The following NCAM2 variants were observed in gnomAD, a reference collection of about 807,000 sequenced individuals.
NCAM2 encodes the protein neural cell adhesion molecule 2.
Under a neutral mutation model 98.1 loss-of-function variants are expected in NCAM2, and 30 were observed. That is an observed-to-expected ratio of 0.31 (90% CI 0.23 to 0.41). NCAM2 has a LOEUF of 0.41. Ranked by LOEUF, NCAM2 falls within the 10% of genes least tolerant of loss-of-function variation. The pLI is 1.00. For synonymous variants in NCAM2, 368 were observed against 342.4 expected (o/e 1.07, Z -0.83); for missense variants, 867 against 1,005.8 (o/e 0.86, Z 1.87).
intron 12 of NCAM2, among the ~76,000 whole-genome samples, chr21:21,463,453 C>G (rs1428059595): frequency 6.6e-6 from 1 of 152,096 alleles, no homozygotes; most frequent in Admixed American, 6.6e-5. Context: ...AAACTTACAT[C>G]AGTAGGTTTA....
intron 1 of NCAM2, among the ~76,000 whole-genome samples, chr21:21,014,112 G>A (rs1032900596): frequency 6.6e-6 from 1 of 152,178 alleles, no homozygotes; most frequent in Non-Finnish European, 1.5e-5. Context: ...TAAGCTGAAG[G>A]CAATGCCCAT....
chr21:21,039,692 C>G (rs2064866069), intron 1 of NCAM2, among the ~76,000 whole-genome samples: 1 of 152,114 alleles, frequency 6.6e-6, no homozygotes, highest in African/African-American at 2.4e-5. Flanking sequence ...GAAAACATTA[C>G]AAATGGAAAT....
chr21:21,034,985 C>T (rs189891012), intron 1 of NCAM2, among the ~76,000 whole-genome samples: 9 of 152,318 alleles, frequency 5.9e-5, no homozygotes, highest in African/African-American at 2.2e-4. Flanking sequence ...GGATTTGCCA[C>T]ACCCTCAAAC....
Position 21,092,835 on chromosome 21 carries a change from T to C in NCAM2, c.55+94217T>C, listed in dbSNP as rs1320175504. 2.0e-5 allele frequency among the ~76,000 whole-genome samples: 3 copies of C among 151,896 alleles called. No homozygotes were observed. The East Asian group carries it at 5.8e-4, about 29-fold the overall frequency. ...TAAAATAATAATGTATTTATATCTC[T>C]TTTATAAATATTTTTCTGTGAATGT... On this transcript the variant is annotated intron_variant, in intron 1 of 17. Coordinates refer to ENST00000400546, the MANE Select transcript of NCAM2 (RefSeq NM_004540.5).
At chr21:21,079,482 A>C (rs1268969317) in intron 1 of NCAM2, among the ~76,000 whole-genome samples, 1 of 152,140 alleles carries the variant, frequency 6.6e-6, no homozygotes, top group African/African-American at 2.4e-5. Context: ...CTTATAATAA[A>C]ATATTTTAAA....
At chr21:21,469,795 A>T (rs1984194612) in intron 14 of NCAM2, among the ~76,000 whole-genome samples, 1 of 151,988 alleles carries the variant, frequency 6.6e-6, no homozygotes, top group Admixed American at 6.6e-5. Flanking sequence ...TCAATTTTTA[A>T]AATTTAAGAT....
intron 9 of NCAM2, among the ~76,000 whole-genome samples, chr21:21,378,108 A>T (rs183269917): frequency 6.6e-6 from 1 of 151,960 alleles, no homozygotes; most frequent in Admixed American, 6.6e-5. Flanking sequence ...GGTTGATTCC[A>T]TATCTAGGCT....
intron 5 of NCAM2, among the ~76,000 whole-genome samples, chr21:21,317,966 T>C (rs2074268532): frequency 6.6e-6 from 1 of 152,206 alleles, no homozygotes; most frequent in Non-Finnish European, 1.5e-5. Flanking sequence ...CAATCAGTCT[T>C]TCCTGATATA....
At chr21:21,008,993 G>A (rs756367974) in intron 1 of NCAM2, among the ~76,000 whole-genome samples, 1 of 152,058 alleles carries the variant, frequency 6.6e-6, no homozygotes, top group Non-Finnish European at 1.5e-5. Flanking sequence ...CAAACTTACG[G>A]TACTTTACTG....
At chr21:21,462,711 C>A (rs1331219725) in intron 12 of NCAM2, among the ~76,000 whole-genome samples, 2 of 151,798 alleles carry the variant, frequency 1.3e-5, no homozygotes, top group African/African-American at 4.8e-5. Flanking sequence ...GGTGATAAAG[C>A]GTTATTTCTA....
intron 12 of NCAM2, among the ~76,000 whole-genome samples, chr21:21,454,915 G>A (rs572542474): frequency 6.6e-6 from 1 of 152,034 alleles, no homozygotes; most frequent in South Asian, 2.1e-4. Flanking sequence ...TTCTCATTAA[G>A]CAGGTGGTTA....
At chr21:21,101,991 G>A (rs895665268) in intron 1 of NCAM2, among the ~76,000 whole-genome samples, 13 of 152,164 alleles carry the variant, frequency 8.5e-5, no homozygotes, top group African/African-American at 2.4e-4. Flanking sequence ...CCAATGAAGT[G>A]TAGGAGTAGC....
chr21:21,343,352 TACACATAC>T (rs201852748), intron 8 of NCAM2, among the ~76,000 whole-genome samples: 2,579 of 110,122 alleles, frequency 0.023, 75 homozygotes, highest in East Asian at 0.14. Context: ...CAACTATCTA[TACACATAC>T]ACACACACAC....
chr21:21,236,071 A>G (rs766089), intron 1 of NCAM2, among the ~76,000 whole-genome samples: 74,785 of 151,564 alleles, frequency 0.49, 19,023 homozygotes, highest in South Asian at 0.59. Context: ...AATACCCTGA[A>G]TAATGTTCCT....
intron 1 of NCAM2, among the ~76,000 whole-genome samples, chr21:21,037,978 A>G (rs534898274): frequency 2.0e-4 from 30 of 152,200 alleles, no homozygotes; most frequent in Non-Finnish European, 3.8e-4. Flanking sequence ...GTAATAGCTG[A>G]TTAAGTTAAT....
At chr21:21,386,277 C>CTA (rs2076269849) in intron 9 of NCAM2, among the ~76,000 whole-genome samples, 4 of 152,214 alleles carry the variant, frequency 2.6e-5, no homozygotes, top group African/African-American at 9.6e-5. Context: ...AAGCTTATTT[C>CTA]AGTAAACACT....
At chr21:21,086,683 T>G (rs2065911107) in intron 1 of NCAM2, among the ~76,000 whole-genome samples, 1 of 152,182 alleles carries the variant, frequency 6.6e-6, no homozygotes, top group African/African-American at 2.4e-5. Context: ...GAAGTATTTT[T>G]AAAAAAGAAT....
In NCAM2 at chr21:21,455,227, A is replaced by G. The variant is rs559641195; in HGVS notation, c.1655-11379A>G. Reference sequence around the variant, plus strand: ...CCTATTGGCAAAAAAAAAAAAAAAAAAAAAAGTTTAATTTGTCCTGTTTGA... The same window carrying G: ...CCTATTGGCAAAAAAAAAAAAAAAAGAAAAAGTTTAATTTGTCCTGTTTGA... On this transcript the variant is annotated intron_variant, in intron 12 of 17. Coordinates refer to ENST00000400546, the MANE Select transcript of NCAM2 (RefSeq NM_004540.5). Among the ~76,000 whole-genome samples the G allele has an allele frequency of 1.4e-4, 21 of 151,400 alleles. No homozygotes were observed. The East Asian group carries it at 3.7e-3, about 27-fold the overall frequency.
rs201790039 is a variant in NCAM2 at position 21,146,549 on chromosome 21, ATATATATG to A, written c.56-134021_56-134014del. 4.9e-3 allele frequency among the ~76,000 whole-genome samples: 247 copies of A among 50,116 alleles called. 1 individual carries two copies. Among genetic ancestry groups the A allele is most frequent in the East Asian group, 0.011 (34 of 2,990 alleles). The allele number at this position is 50,116 out of a possible 152,430, so 32.9% of individuals were successfully genotyped here. ...TGATTATATAAAATACTTACAGGAT[ATATATATG>A]TATATATATATATATATGGATTATA... On this transcript the variant is annotated intron_variant, in intron 1 of 17. Transcript: ENST00000400546.
Sources: gnomAD v4.1 joint callset for allele counts (sites outside exome capture counted in the v4.1 genomes callset) on GRCh38, gnomAD v4.1.1 for gene constraint, MANE v1.5 for transcripts, NCBI Gene and HGNC (gene_info 2026-07-23, HGNC 2026-07-21) for gene names.